Variants in EYS observed in about 807,000 individuals in gnomAD.
EYS encodes protein eyes shut homolog.
Under a neutral mutation model 282.1 loss-of-function variants are expected in EYS, and 250 were observed. The observed-to-expected ratio is 0.89, with a 90% CI of 0.80 to 0.98. The LOEUF (loss-of-function observed/expected upper bound fraction) is 0.98, where lower values mean the gene tolerates loss of function less well. EYS is among the 50% of genes least tolerant of loss of function. The pLI is 0.00. For missense variants in EYS, 4,016 were observed against 3,709.0 expected (o/e 1.08, Z -2.15); for synonymous variants, 1,355 against 1,282.9 (o/e 1.06, Z -1.20).
At chr6:65,412,039 C>G (rs1767039544) in intron 5 of EYS, among the ~76,000 whole-genome samples, 1 of 151,956 alleles carries the variant, frequency 6.6e-6, no homozygotes, top group African/African-American at 2.4e-5. Flanking sequence ...TAGATTATGA[C>G]AGTGGAGCTC....
chr6:63,721,388 G>A lies in EYS; in HGVS notation c.8643C>T (p.Tyr2881=). ...VGDCDGTACG[Y]NTCRNGGECT... ...ATTCACCTCCATTTCTGCATGTGTT[G>A]TACCCACAGGCTGTCCCATCACAGT... The change falls in exon 43 of 43, where the codon TAC becomes TAT. Residue 2881 remains tyrosine, a synonymous_variant. Coordinates refer to ENST00000503581, the MANE Select transcript of EYS (RefSeq NM_001142800.2). 1 of 1,551,614 alleles carries A rather than the reference G, an allele frequency of 6.4e-7. No homozygotes were observed. The highest frequency in any genetic ancestry group is 8.7e-7 in the Non-Finnish European group (1 of 1,146,844).
At chr6:64,347,947 C>T (rs1411056782) in intron 29 of EYS, among the ~76,000 whole-genome samples, 1 of 151,298 alleles carries the variant, frequency 6.6e-6, no homozygotes, top group Non-Finnish European at 1.5e-5. Flanking sequence ...TGAAGATACA[C>T]ATTTTTGTAT....
intron 12 of EYS, among the ~76,000 whole-genome samples, chr6:65,077,319 A>G (rs1462842251): frequency 1.3e-5 from 2 of 152,064 alleles, no homozygotes; most frequent in African/African-American, 2.4e-5. Flanking sequence ...TGCTTGAATG[A>G]ACGTCTTAGT....
At chr6:64,211,260 T>C (rs754150156) in intron 31 of EYS, among the ~76,000 whole-genome samples, 62 of 152,212 alleles carry the variant, frequency 4.1e-4, no homozygotes, top group Admixed American at 1.1e-3. Flanking sequence ...TCTGCATTTA[T>C]TTTTAATTGG....
intron 37 of EYS, among the ~76,000 whole-genome samples, chr6:63,798,610 C>G (rs1311075303): frequency 6.6e-6 from 1 of 152,176 alleles, no homozygotes; most frequent in East Asian, 1.9e-4. Context: ...TCTGCCTGAT[C>G]CCTACCAGGG....
At chr6:65,496,323 T>A (rs1766256628) in intron 2 of EYS, among the ~76,000 whole-genome samples, 1 of 152,112 alleles carries the variant, frequency 6.6e-6, no homozygotes, top group Admixed American at 6.6e-5. Flanking sequence ...ATCAATTCTG[T>A]TGTTCCAGAG....
intron 31 of EYS, among the ~76,000 whole-genome samples, chr6:64,164,653 T>C (rs996983534): frequency 1.3e-5 from 2 of 152,136 alleles, no homozygotes; most frequent in Non-Finnish European, 2.9e-5. Context: ...AACAGGTTGT[T>C]CAATGCTTCA....
chr6:65,056,396 C>T (rs1435999345), intron 13 of EYS, among the ~76,000 whole-genome samples: 1 of 151,876 alleles, frequency 6.6e-6, no homozygotes, highest in Non-Finnish European at 1.5e-5. Flanking sequence ...TGAAGTCTAC[C>T]AGCCTGGGCA....
chr6:65,345,172 A>T (rs1399436056), intron 9 of EYS, among the ~76,000 whole-genome samples: 1 of 151,820 alleles, frequency 6.6e-6, no homozygotes, highest in Non-Finnish European at 1.5e-5. Flanking sequence ...AACCAAGCAC[A>T]ATATCCCAAA....
chr6:65,594,457 A>T (rs1023569882), intron 2 of EYS, among the ~76,000 whole-genome samples: 1 of 152,034 alleles, frequency 6.6e-6, no homozygotes, highest in Non-Finnish European at 1.5e-5. Flanking sequence ...TATATCTATG[A>T]TTCAAACTTA....
chr6:64,686,634 G>A (rs1295997459), intron 22 of EYS, among the ~76,000 whole-genome samples: 9 of 148,824 alleles, frequency 6.0e-5, no homozygotes, highest in Admixed American at 2.0e-4. Context: ...CCAGCTACTC[G>A]GGAGGCTGAG....
chr6:63,765,060 T>A (rs1050222878), intron 40 of EYS, among the ~76,000 whole-genome samples: 4 of 149,822 alleles, frequency 2.7e-5, no homozygotes, highest in Non-Finnish European at 4.4e-5. Context: ...AGGAGTAGAT[T>A]TTGTAGAAGT....
At chr6:63,741,294 C>T (rs1161249625) in intron 41 of EYS, among the ~76,000 whole-genome samples, 1 of 152,026 alleles carries the variant, frequency 6.6e-6, no homozygotes, top group Non-Finnish European at 1.5e-5. Flanking sequence ...ACAAGTGCAG[C>T]ATTAACTGGC....
chr6:64,095,115 G>A (rs912512350), intron 31 of EYS, among the ~76,000 whole-genome samples: 1 of 152,194 alleles, frequency 6.6e-6, no homozygotes, highest in African/African-American at 2.4e-5. Context: ...TGTGGTCTGA[G>A]AGACAGTTTG....
chr6:65,580,409 T>C (rs1041772572), intron 2 of EYS, among the ~76,000 whole-genome samples: 3 of 152,106 alleles, frequency 2.0e-5, no homozygotes, highest in Non-Finnish European at 2.9e-5. Flanking sequence ...TAGTAACTAC[T>C]AGCCTGAAAT....
At chr6:65,526,080 C>G (rs4710295) in intron 2 of EYS, among the ~76,000 whole-genome samples, 86,012 of 151,970 alleles carry the variant, frequency 0.57, 26,515 homozygotes, top group African/African-American at 0.83. Context: ...GAGCCGTGTC[C>G]TAACTTAGTG....
chr6:64,007,614 A>G (rs1171974967), intron 33 of EYS, among the ~76,000 whole-genome samples: 1 of 151,762 alleles, frequency 6.6e-6, no homozygotes, highest in Non-Finnish European at 1.5e-5. Context: ...ACTTTTTGAT[A>G]TGGGCATTTA....
chr6:65,404,162 C>T (rs992804063), intron 6 of EYS, among the ~76,000 whole-genome samples: 6 of 151,868 alleles, frequency 4.0e-5, no homozygotes, highest in African/African-American at 1.2e-4. Flanking sequence ...ATTTATGGTC[C>T]CTTCCTCCAT....
chr6:64,023,737 G>C (rs1427436213), intron 33 of EYS, among the ~76,000 whole-genome samples: 1 of 152,252 alleles, frequency 6.6e-6, no homozygotes, highest in Non-Finnish European at 1.5e-5. Context: ...GGCAGGCCAA[G>C]GCCAGAGCCG....
Sources: gnomAD v4.1 joint callset for allele counts (sites outside exome capture counted in the v4.1 genomes callset) on GRCh38, gnomAD v4.1.1 for gene constraint, MANE v1.5 for transcripts, NCBI Gene and HGNC (gene_info 2026-07-23, HGNC 2026-07-21) for gene names.